DVL1: variants seen among roughly 807,000 people sequenced by gnomAD.
The protein encoded by DVL1 is segment polarity protein dishevelled homolog DVL-1.
In DVL1, 49 loss-of-function variants were observed where a neutral mutation model predicts 65.0. The ratio of observed to expected loss-of-function variants is 0.75; its 90% CI spans 0.60 to 0.96. DVL1 has a LOEUF of 0.96. Among genes scored for constraint, DVL1 ranks in the 40% least tolerant of loss-of-function variants. The pLI, the probability that DVL1 is intolerant of heterozygous loss-of-function variation, is 0.00. For synonymous variants in DVL1, 608 were observed against 433.9 expected, an observed-to-expected ratio of 1.40 and a Z score of -4.99; for missense variants, 1,197 against 1,045.4, an observed-to-expected ratio of 1.15 and a Z score of -2.00.
In DVL1 at chr1:1,339,334, G is replaced by A. The variant is rs1398232750; in HGVS notation, c.1160C>T (p.Thr387Met). The change falls in exon 11 of 15, where the codon ACG becomes ATG. Residue 387 changes from threonine (T) to methionine (M), a missense_variant. Transcript: ENST00000378888. ...YGTSPCSSAV[T>M]RTSSSSLTSS... is the part of the protein sequence containing the mutation. Reference sequence around the variant, plus strand: ...GGTTAGTGAGGAGGAGCTGGTGCGCGTGACGGCGCTGGAGCAGGGACTCGT... The same window carrying A: ...GGTTAGTGAGGAGGAGCTGGTGCGCATGACGGCGCTGGAGCAGGGACTCGT... 9 of 1,548,550 alleles carry A rather than the reference G, an allele frequency of 5.8e-6. No homozygotes were observed. The highest frequency in any genetic ancestry group is 4.1e-5 in the African/African-American group (3 of 73,000).
In DVL1 at chr1:1,344,905, C is replaced by T. The variant is rs569410146; in HGVS notation, c.171-2147G>A. 2.1e-3 allele frequency among the ~76,000 whole-genome samples: 319 copies of T among 152,278 alleles called. 1 individual carries two copies. The highest frequency in any genetic ancestry group is 6.8e-3 in the Middle Eastern group (2 of 294). ...TCCCTGACACACGGCCCCAGGTGGC[C>T]TGGCCGGCAGCTTCTCCCCTGCCAC... On this transcript the variant is annotated intron_variant, in intron 1 of 14. Transcript: ENST00000378888.
chr1:1,349,094 C>T lies in DVL1; in HGVS notation c.-29G>A, dbSNP rs756564727. 8 of 1,394,738 alleles carry T rather than the reference C, an allele frequency of 5.7e-6. No individual in the cohort carries two copies. Among genetic ancestry groups the T allele is most frequent in the Non-Finnish European group, 7.5e-6 (8 of 1,061,088 alleles). The allele number at this position is 1,394,738 out of a possible 1,614,324, so 86.4% of individuals were successfully genotyped here. On this transcript the variant is annotated 5_prime_UTR_variant, in exon 1 of 15. Transcript: ENST00000378888. This position sits in a 1 kb window ranked among gnomAD's most constrained non-coding sequence, Gnocchi z 4.1. ...GCGGCGGCGGCGCGGAGCCCGCGCGCTCAGGGCCCGGCCCGGGGCTCGGAC... is the reference window on the plus strand; with the variant it reads ...GCGGCGGCGGCGCGGAGCCCGCGCGTTCAGGGCCCGGCCCGGGGCTCGGAC...
At chr1:1,342,632 G>GCC (rs1309574039) in intron 2 of DVL1, 57 bp downstream of exon 2, 10 of 1,601,766 alleles carry the variant, frequency 6.2e-6, no homozygotes, top group Non-Finnish European at 8.5e-6. Flanking sequence ...CCCAGGAAGA[G>GCC]CCCCACCCTG....
chr1:1,341,261 C>T (rs150302439), intron 5 of DVL1, among the ~76,000 whole-genome samples: 115 of 152,184 alleles, frequency 7.6e-4, no homozygotes, highest in African/African-American at 2.7e-3. Flanking sequence ...ATTGTGAAAA[C>T]GCTCACGTGC....
Position 1,340,029 on chromosome 1 carries a change from C to T in DVL1, c.909+9G>A. ...GCTACATGTCACCCCGCAGCCCCCACAGACACACCTGCAGCAACATGTCGC... is the reference window on the plus strand; with the variant it reads ...GCTACATGTCACCCCGCAGCCCCCATAGACACACCTGCAGCAACATGTCGC... On this transcript the variant is annotated intron_variant, in intron 8 of 14. Coordinates refer to ENST00000378888, the MANE Select transcript of DVL1 (RefSeq NM_001330311.2). 1 of 1,609,950 alleles carries T rather than the reference C, an allele frequency of 6.2e-7. No homozygotes were observed. Among genetic ancestry groups the T allele is most frequent in the Non-Finnish European group, 8.5e-7 (1 of 1,178,272 alleles).
intron 1 of DVL1, among the ~76,000 whole-genome samples, chr1:1,347,449 G>A (rs900816118): frequency 2.0e-5 from 3 of 152,166 alleles, no homozygotes; most frequent in Admixed American, 6.5e-5. Context: ...GGCAGCCCCC[G>A]GTGGGTGTCA....
chr1:1,344,933 C>A (rs1452874099), intron 1 of DVL1, among the ~76,000 whole-genome samples: 1 of 152,116 alleles, frequency 6.6e-6, no homozygotes, highest in Admixed American at 6.5e-5. Context: ...CCTGCCACAC[C>A]CAACCCCAGC....
At position 1,349,357 on chromosome 1, in the gene DVL1, C is replaced by A. The variant is rs1330419756; in HGVS notation, c.-292G>T. 1 of 145,630 alleles carries A rather than the reference C, an allele frequency of 6.9e-6. No individual in the cohort carries two copies. Among genetic ancestry groups the A allele is most frequent in the Non-Finnish European group, 1.5e-5 (1 of 65,562 alleles). The allele number at this position is 145,630 out of a possible 1,614,324, so 9.0% of individuals were successfully genotyped here. A position where few individuals can be genotyped will look rare whatever the true frequency, so the allele number is the denominator to read the frequency against. ...GCGCTCAGCCCCGCCGCCCTCCCGCCTGCGCCCCTCGGGCCGCGCCGTTAA... is the reference window on the plus strand; with the variant it reads ...GCGCTCAGCCCCGCCGCCCTCCCGCATGCGCCCCTCGGGCCGCGCCGTTAA... On this transcript the variant is annotated 5_prime_UTR_variant, in exon 1 of 15. The change creates a new upstream start codon in the 5' untranslated region. Coordinates refer to ENST00000378888, the MANE Select transcript of DVL1 (RefSeq NM_001330311.2). The surrounding 1 kb of genome is among the most constrained non-coding windows in gnomAD (Gnocchi z 4.1).
At chr1:1,341,310 A>G (rs911275349) in intron 5 of DVL1, among the ~76,000 whole-genome samples, 2 of 152,118 alleles carry the variant, frequency 1.3e-5, no homozygotes, top group African/African-American at 2.4e-5. Context: ...ATACATGCAC[A>G]CACAGACATG....
chr1:1,336,201 G>T lies in DVL1; in HGVS notation c.2029C>A (p.Arg677Ser). 6.4e-7 allele frequency: 1 copy of T among 1,564,786 alleles called. No homozygotes were observed. The change falls in exon 15 of 15, where the codon CGC (arginine) becomes AGC (serine). Residue 677 changes from arginine to serine, a missense_variant. Arg to Ser is a moderately radical substitution (Grantham distance 110). Transcript: ENST00000378888. ...CCCATAGCCTTCTGGAAGGACTGGC[G>T]GCTGCCTGTCAATTCCGGGGGGACG... ...AAVPPELTGS[R>S]QSFQKAMGNP... is the part of the protein sequence containing the mutation.
Position 1,336,459 on chromosome 1 carries a change from CCTT to C in DVL1, c.1768_1770del (p.Lys590del), listed in dbSNP as rs1643578233. On this transcript the variant is annotated inframe_deletion, in exon 15 of 15. Coordinates refer to ENST00000378888, the MANE Select transcript of DVL1 (RefSeq NM_001330311.2). ...CCCCCAGCTCCCGCCGCCCGACGCT[CCTT>C]CTCACGGCCCGGGGCCCGGCGGCTG... 1 of 1,567,952 alleles carries C rather than the reference CCTT, an allele frequency of 6.4e-7. No individual in the cohort carries two copies. Among genetic ancestry groups the C allele is most frequent in the Non-Finnish European group, 8.6e-7 (1 of 1,164,944 alleles).
In DVL1 at chr1:1,338,023, C is replaced by T. The variant is rs746715259; in HGVS notation, c.1668G>A (p.Pro556=). 3 of 1,611,942 alleles carry T rather than the reference C, an allele frequency of 1.9e-6. No homozygotes were observed. Among genetic ancestry groups the T allele is most frequent in the South Asian group, 1.1e-5 (1 of 91,032 alleles). Residue 556 remains proline, a synonymous_variant, in exon 14 of 15, where the codon CCG becomes CCA. Transcript: ENST00000378888. ...PPCFPPAYQD[P]GFSYGSGSTG... is the part of the protein sequence containing the mutation. ...TGCTGCCGCTGCCATAGCTAAAGCC[C>T]GGGTCCTGGTAGGCAGGCGGGAAGC...
chr1:1,336,921 G>A, intron 14 of DVL1: 1 of 872,756 alleles, frequency 1.1e-6, no homozygotes, highest in Non-Finnish European at 1.4e-6. Context: ...GGATGACTCA[G>A]CTCAGCCCTG....
At chr1:1,341,529 G>A (rs1187175078) in intron 5 of DVL1, 138 bp downstream of exon 5, 3 of 1,182,588 alleles carry the variant, frequency 2.5e-6, no homozygotes, top group African/African-American at 1.6e-5. Flanking sequence ...CATGTACACA[G>A]ACATTTGCAG....
chr1:1,347,748 C>T (rs1379335598), intron 1 of DVL1, among the ~76,000 whole-genome samples: 2 of 152,228 alleles, frequency 1.3e-5, no homozygotes, highest in Middle Eastern at 3.2e-3. Context: ...CAAACCGCCC[C>T]CTCCTGCCCA....
Position 1,335,964 on chromosome 1 carries a change from G to C in DVL1, c.*178C>G. The C allele has an allele frequency of 1.2e-6, 1 of 814,092 alleles. No homozygotes were observed. The highest frequency in any genetic ancestry group is 1.9e-6 in the Non-Finnish European group (1 of 529,774). The allele number at this position is 814,092 out of a possible 1,614,324, so 50.4% of individuals were successfully genotyped here. ...GGAGCGCCCCCAACACGGCTGCTCA[G>C]ACACAGGTGCTGTCAGGAGCTGGAG... On this transcript the variant is annotated 3_prime_UTR_variant, in exon 15 of 15. Transcript: ENST00000378888.
chr1:1,336,141 G>A lies in DVL1; in HGVS notation c.*1C>T. 2.5e-6 allele frequency: 4 copies of A among 1,574,558 alleles called. No individual in the cohort carries two copies. The highest frequency in any genetic ancestry group is 1.3e-5 in the African/African-American group (1 of 74,668). On this transcript the variant is annotated 3_prime_UTR_variant, in exon 15 of 15. Coordinates refer to ENST00000378888, the MANE Select transcript of DVL1 (RefSeq NM_001330311.2). ...GGCAGGGCTGGGGCATGCGCCACGA[G>A]TCACATGATGTCCACGAAGAACTCG...
chr1:1,346,069 G>A (rs1277198153), intron 1 of DVL1, among the ~76,000 whole-genome samples: 2 of 152,154 alleles, frequency 1.3e-5, no homozygotes, highest in African/African-American at 2.4e-5. Flanking sequence ...AAACCAGGGA[G>A]GCACTCAGGG....
At chr1:1,341,961 C>T (rs1643847229) in intron 4 of DVL1, 92 bp downstream of exon 4, 2 of 1,457,146 alleles carry the variant, frequency 1.4e-6, no homozygotes, top group South Asian at 2.6e-5. Context: ...CCGCCACTGG[C>T]TGGGGGACAG....
Sources: allele counts gnomAD v4.1 joint callset (sites outside exome capture counted in the v4.1 genomes callset), GRCh38; gene constraint gnomAD v4.1.1; non-coding constraint Gnocchi (gnomAD v3.1); transcripts MANE v1.5; gene names NCBI Gene and HGNC (gene_info 2026-07-23, HGNC 2026-07-21).